Variants in FBXL7 observed in about 807,000 individuals in gnomAD.
The protein encoded by FBXL7 is F-box and leucine rich repeat protein 7, also known as F-box/LRR-repeat protein 7.
In FBXL7, 12 loss-of-function variants were observed where a neutral mutation model predicts 38.3. The observed-to-expected ratio is 0.31, with a 90% CI of 0.20 to 0.51. The LOEUF is 0.51. FBXL7 is among the 20% of genes least tolerant of loss of function. The probability of loss-of-function intolerance (pLI) is 0.98; values close to 1 mark genes in which losing one functional copy is unlikely to be tolerated. For missense variants in FBXL7, 567 were observed against 676.4 expected (o/e 0.84, Z 1.79); for synonymous variants, 297 against 300.9 (o/e 0.99, Z 0.13).
intron 2 of FBXL7, among the ~76,000 whole-genome samples, chr5:15,840,540 A>G (rs1283977501): frequency 6.6e-6 from 1 of 152,164 alleles, no homozygotes; most frequent in Non-Finnish European, 1.5e-5. Context: ...TGCCTCGAAT[A>G]TGATAAATAT....
chr5:15,822,196 C>CAA (rs5866161), intron 2 of FBXL7, among the ~76,000 whole-genome samples: 3 of 128,056 alleles, frequency 2.3e-5, no homozygotes, highest in Non-Finnish European at 3.2e-5. Flanking sequence ...ACTAAAAATA[C>CAA]AAAAAAAAAA....
intron 2 of FBXL7, among the ~76,000 whole-genome samples, chr5:15,734,457 G>A (rs1279557881): frequency 2.0e-5 from 3 of 152,176 alleles, no homozygotes; most frequent in Non-Finnish European, 4.4e-5. Flanking sequence ...TGAACAATGT[G>A]GATTATTGTA....
At chr5:15,916,656 A>G (rs1741592464) in intron 2 of FBXL7, among the ~76,000 whole-genome samples, 1 of 152,230 alleles carries the variant, frequency 6.6e-6, no homozygotes, top group Non-Finnish European at 1.5e-5. Context: ...AGGAAAACAA[A>G]TTTCATTTAA....
intron 2 of FBXL7, among the ~76,000 whole-genome samples, chr5:15,914,166 C>G (rs1741519543): frequency 1.3e-5 from 2 of 152,068 alleles, no homozygotes; most frequent in Non-Finnish European, 1.5e-5. Flanking sequence ...GCGGGCGGAT[C>G]TCGAGGTCAG....
At chr5:15,525,610 G>T (rs1043661589) in intron 1 of FBXL7, among the ~76,000 whole-genome samples, 1 of 152,158 alleles carries the variant, frequency 6.6e-6, no homozygotes, top group Admixed American at 6.5e-5. Context: ...GTGTGTGTGT[G>T]GGGGGTGGGG....
intron 2 of FBXL7, among the ~76,000 whole-genome samples, chr5:15,777,748 T>TAAAAAAAAAAAAAAAAAAAAAA (rs1250146374): frequency 1.7e-3 from 150 of 89,396 alleles, no homozygotes; most frequent in African/African-American, 3.9e-3. Context: ...AAAAAAAAAG[T>TAAAAAAAAAAAAAAAAAAAAAA]AAATTCCAGT....
intron 2 of FBXL7, among the ~76,000 whole-genome samples, chr5:15,638,672 G>A (rs1378212535): frequency 6.6e-6 from 1 of 152,064 alleles, no homozygotes; most frequent in African/African-American, 2.4e-5. Context: ...TATCCCCAGA[G>A]CAATAATGAC....
At chr5:15,612,198 C>T (rs182779069) in intron 1 of FBXL7, among the ~76,000 whole-genome samples, 2 of 148,010 alleles carry the variant, frequency 1.4e-5, no homozygotes, top group African/African-American at 5.0e-5. Flanking sequence ...TGTAGTGTTG[C>T]GATTTCACTG....
intron 1 of FBXL7, among the ~76,000 whole-genome samples, chr5:15,600,988 C>T (rs1368354775): frequency 6.6e-6 from 1 of 152,194 alleles, no homozygotes; most frequent in African/African-American, 2.4e-5. Flanking sequence ...CTAGTATTTT[C>T]TCCACTGTTT....
At chr5:15,750,535 C>G (rs868081202) in intron 2 of FBXL7, among the ~76,000 whole-genome samples, 2 of 152,204 alleles carry the variant, frequency 1.3e-5, no homozygotes, top group South Asian at 4.1e-4. Flanking sequence ...CAGTTTCTAT[C>G]AAGTCTCTGA....
At chr5:15,715,947 G>A (rs1437476002) in intron 2 of FBXL7, among the ~76,000 whole-genome samples, 24 of 152,138 alleles carry the variant, frequency 1.6e-4, no homozygotes, top group Admixed American at 1.3e-4. Flanking sequence ...GTATTTGCAC[G>A]TTTGCAAAAG....
chr5:15,663,769 G>C (rs1186161744), intron 2 of FBXL7, among the ~76,000 whole-genome samples: 1 of 152,110 alleles, frequency 6.6e-6, no homozygotes, highest in Non-Finnish European at 1.5e-5. Flanking sequence ...CAGAATATTT[G>C]CCTGCTCCTT....
chr5:15,830,213 G>A (rs1245610141), intron 2 of FBXL7, among the ~76,000 whole-genome samples: 1 of 152,108 alleles, frequency 6.6e-6, no homozygotes, highest in Non-Finnish European at 1.5e-5. Context: ...GCTGGGCGTG[G>A]TGGCTCACAC....
chr5:15,641,941 TTGTGTGTGTGTGTGTGTGTGTGTGTGTG>T (rs199980981), intron 2 of FBXL7, among the ~76,000 whole-genome samples: 1 of 141,522 alleles, frequency 7.1e-6, no homozygotes, highest in African/African-American at 2.6e-5. Flanking sequence ...ACATAAAACC[TTGTGTGTGTGTGTGTGTGTGTGTGTGTG>T]TGTGTGTGTG....
At chr5:15,865,322 C>T (rs1739658577) in intron 2 of FBXL7, among the ~76,000 whole-genome samples, 1 of 152,124 alleles carries the variant, frequency 6.6e-6, no homozygotes, top group Non-Finnish European at 1.5e-5. Context: ...CATAGCTATC[C>T]ATAATGAGAC....
At chr5:15,507,216 C>T (rs549424694) in intron 1 of FBXL7, among the ~76,000 whole-genome samples, 1 of 152,124 alleles carries the variant, frequency 6.6e-6, no homozygotes, top group Admixed American at 6.6e-5. Context: ...CATCTTTTGC[C>T]TCTAGTGACT....
chr5:15,936,683 T>C lies in FBXL7; in HGVS notation c.973T>C (p.Ser325Pro), dbSNP rs1259945782. Residue 325 changes from serine (S) to proline (P), a missense_variant, in exon 4 of 4, where the codon TCC (serine) becomes CCC (proline). By Grantham distance (74) the Ser-to-Pro change is moderately conservative. Coordinates refer to ENST00000504595, the MANE Select transcript of FBXL7 (RefSeq NM_012304.5). The surrounding 1 kb of genome is among the most constrained non-coding windows in gnomAD (Gnocchi z 6.0). ...GCGCTACCTGGTGATCTACTGCGCC[T>C]CCATCAAGGAGCTGAGCGTCAGCGA... ...GLRYLVIYCA[S>P]IKELSVSDCR... 1.9e-6 allele frequency: 3 copies of C among 1,608,270 alleles called. No homozygotes were observed. The highest frequency in any genetic ancestry group is 2.5e-6 in the Non-Finnish European group (3 of 1,179,656).
At chr5:15,701,977 G>A (rs980141435) in intron 2 of FBXL7, among the ~76,000 whole-genome samples, 1 of 152,136 alleles carries the variant, frequency 6.6e-6, no homozygotes, top group East Asian at 1.9e-4. Flanking sequence ...GGTGGTTCAC[G>A]CCTGTAATCC....
intron 2 of FBXL7, among the ~76,000 whole-genome samples, chr5:15,617,727 C>T (rs1481311704): frequency 6.6e-6 from 1 of 152,182 alleles, no homozygotes; most frequent in African/African-American, 2.4e-5. Flanking sequence ...GCATGAGCCA[C>T]CATTCCCGAC....
Sources: allele counts gnomAD v4.1 joint callset (sites outside exome capture counted in the v4.1 genomes callset), GRCh38; gene constraint gnomAD v4.1.1; non-coding constraint Gnocchi (gnomAD v3.1); transcripts MANE v1.5; gene names NCBI Gene and HGNC (gene_info 2026-07-23, HGNC 2026-07-21).